The following NAA11 variants were observed in gnomAD, a reference collection of about 807,000 sequenced individuals.
The protein encoded by NAA11 is N-alpha-acetyltransferase 11.
In NAA11, 15 loss-of-function variants were observed where a neutral mutation model predicts 16.1. The observed-to-expected ratio is 0.93, with a 90% CI of 0.62 to 1.44. NAA11 has a LOEUF of 1.44. Ranked by LOEUF, NAA11 falls within the 40% of genes most tolerant of loss-of-function variation. The probability of loss-of-function intolerance (pLI) is 0.00; values close to 1 mark genes in which losing one functional copy is unlikely to be tolerated. For synonymous variants in NAA11, 122 were observed against 112.4 expected (o/e 1.09, Z -0.54); for missense variants, 298 against 291.3 (o/e 1.02, Z -0.17).
chr4:79,263,599 C>T (rs369025290), intron 2 of NAA11, among the ~76,000 whole-genome samples: 3 of 152,240 alleles, frequency 2.0e-5, no homozygotes, highest in Non-Finnish European at 4.4e-5. Context: ...CAGGATTGTA[C>T]GATTATGAAT....
chr4:79,215,648 A>C, the NAA11 span, among the ~76,000 whole-genome samples: 11 of 152,194 alleles, frequency 7.2e-5, no homozygotes, highest in African/African-American at 2.2e-4. Context: ...GTAACCTGTC[A>C]TCTATGTGAG....
At chr4:79,302,851 A>G (rs912706309) in intron 1 of NAA11, among the ~76,000 whole-genome samples, 2 of 151,986 alleles carry the variant, frequency 1.3e-5, no homozygotes, top group East Asian at 1.9e-4. Context: ...GAGAAACAAG[A>G]TATCTATAGG....
chr4:79,218,570 A>G, the NAA11 span, among the ~76,000 whole-genome samples: 4 of 152,082 alleles, frequency 2.6e-5, no homozygotes, highest in African/African-American at 9.7e-5. Context: ...TATTAGTCCA[A>G]ATACTTTATT....
intron 1 of NAA11, among the ~76,000 whole-genome samples, chr4:79,320,079 G>T (rs1457450534): frequency 1.3e-5 from 2 of 152,098 alleles, no homozygotes; most frequent in Admixed American, 6.5e-5. Context: ...TAATAATCAA[G>T]CACATATTTC....
intron 2 of NAA11, among the ~76,000 whole-genome samples, chr4:79,272,133 A>T (rs186441991): frequency 1.3e-5 from 2 of 151,662 alleles, no homozygotes; most frequent in Admixed American, 1.3e-4. Flanking sequence ...ATATACACAA[A>T]TAAGGCTCCA....
At chr4:79,248,179 G>A (rs1297890586) in intron 2 of NAA11, among the ~76,000 whole-genome samples, 2 of 152,076 alleles carry the variant, frequency 1.3e-5, no homozygotes, top group Non-Finnish European at 2.9e-5. Flanking sequence ...TGCCTCCCTG[G>A]GGCCCACATC....
chr4:79,287,413 C>A (rs1225306230), intron 2 of NAA11, among the ~76,000 whole-genome samples: 13 of 151,916 alleles, frequency 8.6e-5, no homozygotes, highest in Admixed American at 8.5e-4. Context: ...AATTTTAAGC[C>A]AATCATTTCT....
At chr4:79,247,406 G>A (rs761400047) in intron 2 of NAA11, among the ~76,000 whole-genome samples, 5 of 151,838 alleles carry the variant, frequency 3.3e-5, no homozygotes, top group Admixed American at 6.6e-5. Context: ...CAATCTATTC[G>A]TCACAAAATT....
chr4:79,231,871 G>A (rs1319149430), intron 2 of NAA11, among the ~76,000 whole-genome samples: 2 of 151,202 alleles, frequency 1.3e-5, no homozygotes, highest in Non-Finnish European at 1.5e-5. Flanking sequence ...ACATTTTCTA[G>A]GACAAATCAT....
chr4:79,172,976 C>T, the NAA11 span, among the ~76,000 whole-genome samples: 4 of 152,128 alleles, frequency 2.6e-5, no homozygotes, highest in African/African-American at 9.7e-5. Flanking sequence ...TCTCCTGACT[C>T]CACATTTCAT....
At chr4:79,170,652 C>T in the NAA11 span, among the ~76,000 whole-genome samples, 1 of 152,084 alleles carries the variant, frequency 6.6e-6, no homozygotes, top group African/African-American at 2.4e-5. Flanking sequence ...AGAAAAACTT[C>T]AAGAAAACTT....
chr4:79,276,783 C>T (rs1722659346), intron 2 of NAA11, among the ~76,000 whole-genome samples: 1 of 152,012 alleles, frequency 6.6e-6, no homozygotes, highest in African/African-American at 2.4e-5. Flanking sequence ...CTTTCAACTC[C>T]CATGTCTATT....
chr4:79,167,475 C>G, the NAA11 span, among the ~76,000 whole-genome samples: 1 of 151,204 alleles, frequency 6.6e-6, no homozygotes, highest in African/African-American at 2.4e-5. Flanking sequence ...GTATCTGCAC[C>G]ATACCTATTA....
the NAA11 span, among the ~76,000 whole-genome samples, chr4:79,177,208 A>G: frequency 6.6e-6 from 1 of 152,036 alleles, no homozygotes; most frequent in African/African-American, 2.4e-5. Flanking sequence ...AAAAAAAATT[A>G]TCTTCAGCTC....
chr4:79,194,536 T>C, the NAA11 span, among the ~76,000 whole-genome samples: 5 of 151,880 alleles, frequency 3.3e-5, no homozygotes, highest in African/African-American at 1.2e-4. Flanking sequence ...AAATTGGGCA[T>C]AGGAAGTGGG....
chr4:79,293,773 G>A (rs1417751241), intron 2 of NAA11, among the ~76,000 whole-genome samples: 5 of 152,178 alleles, frequency 3.3e-5, no homozygotes, highest in Non-Finnish European at 5.9e-5. Context: ...CTTTTTAAAA[G>A]TATGGTATGG....
chr4:79,188,613 T>A, the NAA11 span, among the ~76,000 whole-genome samples: 1 of 150,552 alleles, frequency 6.6e-6, no homozygotes, highest in Non-Finnish European at 1.5e-5. Flanking sequence ...AAAGACAAAC[T>A]TCTGTTTAAA....
the NAA11 span, among the ~76,000 whole-genome samples, chr4:79,167,196 TACATAC>T: frequency 4.7e-3 from 418 of 88,984 alleles, no homozygotes; most frequent in Middle Eastern, 6.0e-3. Context: ...TTTATATATA[TACATAC>T]ATATATATAC....
At chr4:79,238,330 C>T (rs1721616428) in intron 2 of NAA11, among the ~76,000 whole-genome samples, 1 of 152,166 alleles carries the variant, frequency 6.6e-6, no homozygotes, top group Non-Finnish European at 1.5e-5. Flanking sequence ...TCTCTTCCTC[C>T]TTTTCTGTCC....
Sources: gnomAD v4.1 joint callset for allele counts (sites outside exome capture counted in the v4.1 genomes callset) on GRCh38, gnomAD v4.1.1 for gene constraint, MANE v1.5 for transcripts, NCBI Gene and HGNC (gene_info 2026-07-23, HGNC 2026-07-21) for gene names.